OGFOD3: variants seen among roughly 807,000 people sequenced by gnomAD.
OGFOD3 encodes 2-oxoglutarate and iron-dependent oxygenase domain-containing protein 3.
Under a neutral mutation model 39.8 loss-of-function variants are expected in OGFOD3, and 35 were observed. The observed-to-expected ratio is 0.88, with a 90% CI of 0.67 to 1.17. OGFOD3 has a LOEUF of 1.17. Ranked by LOEUF, OGFOD3 falls within the 50% of genes most tolerant of loss-of-function variation. OGFOD3 has a pLI of 0.00. For missense variants in OGFOD3, 438 were observed against 454.5 expected (o/e 0.96, Z 0.33); for synonymous variants, 200 against 192.0 (o/e 1.04, Z -0.34).
rs190276062 is a variant in OGFOD3, at chr17:82,410,103, A to G, written c.381-693T>C. 3.6e-3 allele frequency among the ~76,000 whole-genome samples: 545 copies of G among 152,324 alleles called. 8 individuals carry two copies. Among genetic ancestry groups the G allele is most frequent in the African/African-American group, 0.013 (522 of 41,574 alleles). ...AGCTCAGGAGATAGGGGCCCTGACC[A>G]TGGTGGGAGAAAGACACCCACACGC... On this transcript the variant is annotated intron_variant, in intron 3 of 8. Coordinates refer to ENST00000313056, the MANE Select transcript of OGFOD3 (RefSeq NM_024648.3).
chr17:82,405,467 C>G, intron 5 of OGFOD3, 87 bp from the exon 6 acceptor site: 1 of 1,140,970 alleles, frequency 8.8e-7, no homozygotes, highest in South Asian at 1.3e-5. Flanking sequence ...CCTCAAGTCC[C>G]TGAAAATCAA....
Position 82,404,060 on chromosome 17 carries a change from A to T in OGFOD3, c.576T>A (p.Ile192=), listed in dbSNP as rs770436297. The change falls in exon 7 of 9, where the codon ATT becomes ATA. Residue 192 remains isoleucine, a synonymous_variant. Transcript: ENST00000313056. This position sits in a 1 kb window ranked among gnomAD's most constrained non-coding sequence, Gnocchi z 4.5. ...ATGCGCTGATGCCAAAAGCCTCAGC[A>T]ATGGTGAGCTGGACCTTCTGCCGCA... is the stretch of plus-strand genomic sequence containing the variant. The part of the protein sequence containing the change: ...REVRQKVQLT[I]AEAFGISASS... 6.2e-7 allele frequency: 1 copy of T among 1,607,322 alleles called. No individual in the cohort carries two copies. The highest frequency in any genetic ancestry group is 8.5e-7 in the Non-Finnish European group (1 of 1,176,674).
Position 82,404,256 on chromosome 17 carries a change from G to T in OGFOD3, c.546-166C>A, listed in dbSNP as rs2052817473. ...ACAGATACCGGCTCCGCCTGGGAACGACGCGGCCCACAGCCCACGCACAGA... is the reference window on the plus strand; with the variant it reads ...ACAGATACCGGCTCCGCCTGGGAACTACGCGGCCCACAGCCCACGCACAGA... On this transcript the variant is annotated intron_variant, in intron 6 of 8. Coordinates refer to ENST00000313056, the MANE Select transcript of OGFOD3 (RefSeq NM_024648.3). This position sits in a 1 kb window ranked among gnomAD's most constrained non-coding sequence, Gnocchi z 4.5. Among the ~76,000 whole-genome samples the T allele has an allele frequency of 6.6e-6, 1 of 152,200 alleles. No homozygotes were observed. The highest frequency in any genetic ancestry group is 6.5e-5 in the Admixed American group (1 of 15,288).
intron 4 of OGFOD3, among the ~76,000 whole-genome samples, chr17:82,409,159 T>C (rs1224364613): frequency 6.6e-6 from 1 of 152,148 alleles, no homozygotes; most frequent in East Asian, 1.9e-4. Flanking sequence ...CACGCACATC[T>C]AAGGACACAC....
In OGFOD3 at chr17:82,392,665, G is replaced by T; in HGVS notation, c.824-131C>A. 9.2e-7 allele frequency: 1 copy of T among 1,089,880 alleles called. No individual in the cohort carries two copies. The highest frequency in any genetic ancestry group is 1.3e-6 in the Non-Finnish European group (1 of 772,300). The allele number at this position is 1,089,880 out of a possible 1,614,324, so 67.5% of individuals were successfully genotyped here. ...ACCAACCAGGCAGGCTGGAGAAATT[G>T]CCCCTCTGGGAACTGCTTCTGCAGG... is the stretch of plus-strand genomic sequence containing the variant. On this transcript the variant is annotated intron_variant, in intron 8 of 8. Transcript: ENST00000313056. The surrounding 1 kb of genome is among the most constrained non-coding windows in gnomAD (Gnocchi z 4.2).
At position 82,392,327 on chromosome 17, in the gene OGFOD3, G is replaced by C. The variant is rs1567863230; in HGVS notation, c.*71C>G. On this transcript the variant is annotated 3_prime_UTR_variant, in exon 9 of 9. Coordinates refer to ENST00000313056, the MANE Select transcript of OGFOD3 (RefSeq NM_024648.3). The surrounding 1 kb of genome is among the most constrained non-coding windows in gnomAD (Gnocchi z 4.2). ...TGTGCAACAGGAGCGGGTGGACGTGGGGGTGGGTGCACGACTGGCGCGGCT... is the reference window on the plus strand; with the variant it reads ...TGTGCAACAGGAGCGGGTGGACGTGCGGGTGGGTGCACGACTGGCGCGGCT... 6.5e-7 allele frequency: 1 copy of C among 1,527,768 alleles called. No homozygotes were observed. The highest frequency in any genetic ancestry group is 8.9e-7 in the Non-Finnish European group (1 of 1,127,542). The allele number at this position is 1,527,768 out of a possible 1,614,324, so 94.6% of individuals were successfully genotyped here.
In OGFOD3 at chr17:82,403,966, C is replaced by T. The variant is rs1237023076; in HGVS notation, c.670G>A (p.Asp224Asn). The T allele has an allele frequency of 5.0e-6, 8 of 1,608,000 alleles. No individual in the cohort carries two copies. Among genetic ancestry groups the T allele is most frequent in the Non-Finnish European group, 6.8e-6 (8 of 1,178,024 alleles). Residue 224 changes from aspartate (D) to asparagine (N), a missense_variant, in exon 7 of 9, where the codon GAC (aspartate) becomes AAC (asparagine). Coordinates refer to ENST00000313056, the MANE Select transcript of OGFOD3 (RefSeq NM_024648.3). ...INSTEARTAHDEYWHAHVDKV... is the reference protein window; with the variant it reads ...INSTEARTAHNEYWHAHVDKV... ...TCCACGTGCGCATGCCAGTACTCGT[C>T]GTGCGCCGTCCGCGCTTCCGTGCTG...
rs1325025528 is a variant in OGFOD3 at position 82,391,014 on chromosome 17, G to C, written c.*1384C>G. The C allele has an allele frequency of 5.6e-6, 1 of 179,688 alleles. No homozygotes were observed. The allele number at this position is 179,688 out of a possible 1,614,324, so 11.1% of individuals were successfully genotyped here. On this transcript the variant is annotated 3_prime_UTR_variant, in exon 9 of 9. Coordinates refer to ENST00000313056, the MANE Select transcript of OGFOD3 (RefSeq NM_024648.3). This position sits in a 1 kb window ranked among gnomAD's most constrained non-coding sequence, Gnocchi z 5.1. ...ACAGGTGGGGCCTCCTCCAGTCAGA[G>C]GCACCTGTGCCAGGGGCTAGGGAAC...
chr17:82,394,093 C>T (rs996341770), intron 8 of OGFOD3, among the ~76,000 whole-genome samples: 6 of 151,552 alleles, frequency 4.0e-5, no homozygotes, highest in African/African-American at 9.7e-5. Flanking sequence ...GGGTTCACGC[C>T]GTTCTCCTGC....
In OGFOD3 at chr17:82,391,591, G is replaced by A. The variant is rs1166581168; in HGVS notation, c.*807C>T. 1.3e-5 allele frequency: 2 copies of A among 152,560 alleles called. No individual in the cohort carries two copies. The highest frequency in any genetic ancestry group is 1.3e-4 in the Admixed American group (2 of 15,290). 9.5% of individuals were successfully genotyped at this position (152,560 alleles called of 1,614,324 possible). A position where few individuals can be genotyped will look rare whatever the true frequency, so the allele number is the denominator to read the frequency against. ...CTGCCTCGGCCTCCCGCAGTGCTGAGATTACAGGTGTGAGCCACCGCGCCC... is the reference window on the plus strand; with the variant it reads ...CTGCCTCGGCCTCCCGCAGTGCTGAAATTACAGGTGTGAGCCACCGCGCCC... On this transcript the variant is annotated 3_prime_UTR_variant, in exon 9 of 9. Coordinates refer to ENST00000313056, the MANE Select transcript of OGFOD3 (RefSeq NM_024648.3). The surrounding 1 kb of genome is among the most constrained non-coding windows in gnomAD (Gnocchi z 5.1).
Position 82,415,635 on chromosome 17 carries a change from C to T in OGFOD3, c.75-8G>A, listed in dbSNP as rs1270731574. The stretch of plus-strand genomic sequence containing the variant: ...GCTCGGTCCTTCTTGGTGCTGAGAA[C>T]AGAAAACAGGCCACGTCACCCAAAC... On this transcript the variant is annotated splice_polypyrimidine_tract_variant and splice_region_variant and intron_variant, in intron 1 of 8. Transcript: ENST00000313056. This position sits in a 1 kb window ranked among gnomAD's most constrained non-coding sequence, Gnocchi z 5.3. 18 of 1,602,038 alleles carry T rather than the reference C, an allele frequency of 1.1e-5. No homozygotes were observed. The East Asian group carries it at 1.6e-4, about 14-fold the overall frequency.
At chr17:82,414,427 C>T (rs1399864835) in intron 2 of OGFOD3, among the ~76,000 whole-genome samples, 1 of 152,226 alleles carries the variant, frequency 6.6e-6, no homozygotes, top group Non-Finnish European at 1.5e-5. Context: ...TGAGCCACTG[C>T]TCCAGGCCAT....
At position 82,398,145 on chromosome 17, in the gene OGFOD3, T is replaced by A. The variant is rs1306487780; in HGVS notation, c.823+51A>T. On this transcript the variant is annotated intron_variant, in intron 8 of 8. Coordinates refer to ENST00000313056, the MANE Select transcript of OGFOD3 (RefSeq NM_024648.3). ...AGGGACACGCCCCCCACACCCACCG[T>A]GCTTGCCTGAGCCAGGAGCCCCACG... 1.9e-6 allele frequency: 3 copies of A among 1,610,848 alleles called. No homozygotes were observed. In the Admixed American group the frequency reaches 5.0e-5, roughly 27 times the overall value.
chr17:82,417,253 G>A, intron 1 of OGFOD3: 1 of 152,124 alleles, frequency 6.6e-6, no homozygotes, highest in East Asian at 1.9e-4. Context: ...TGGATCCCCA[G>A]AACTTATTAA....
intron 1 of OGFOD3, among the ~76,000 whole-genome samples, chr17:82,416,099 G>A (rs1337264751): frequency 1.3e-5 from 2 of 152,038 alleles, no homozygotes; most frequent in African/African-American, 2.4e-5. Flanking sequence ...AACCGGGTGT[G>A]GTGGCACATG....
rs1469202891 is a variant in OGFOD3, at chr17:82,406,499, G to A, written c.424-17C>T. 6.2e-7 allele frequency: 1 copy of A among 1,612,146 alleles called. No homozygotes were observed. The highest frequency in any genetic ancestry group is 8.5e-7 in the Non-Finnish European group (1 of 1,178,184). On this transcript the variant is annotated splice_polypyrimidine_tract_variant and intron_variant, in intron 4 of 8. Coordinates refer to ENST00000313056, the MANE Select transcript of OGFOD3 (RefSeq NM_024648.3). This position sits in a 1 kb window ranked among gnomAD's most constrained non-coding sequence, Gnocchi z 5.2. ...AATGGATGCCTGGAAAAGACGTTGT[G>A]GAGTAAAGCGTGCAGCCGCAGCAAT...
chr17:82,393,989 C>CTT lies in OGFOD3; in HGVS notation c.824-1457_824-1456dup, dbSNP rs1300659779. On this transcript the variant is annotated intron_variant, in intron 8 of 8. Coordinates refer to ENST00000313056, the MANE Select transcript of OGFOD3 (RefSeq NM_024648.3). ...AGATCAATACGGGGCCAGAAAAGGA[C>CTT]TTTTTTTTTTTTTTTTTTTTTAGAC... 322 of 127,398 alleles carry CTT rather than the reference C, an allele frequency of 2.5e-3. 1 individual carries two copies. Among genetic ancestry groups the CTT allele is most frequent in the African/African-American group, 8.4e-3 (290 of 34,450 alleles). 7.9% of individuals were successfully genotyped at this position (127,398 alleles called of 1,614,324 possible).
At chr17:82,399,126 A>G (rs1439874980) in intron 7 of OGFOD3, among the ~76,000 whole-genome samples, 4 of 152,148 alleles carry the variant, frequency 2.6e-5, no homozygotes, top group African/African-American at 7.2e-5. Context: ...GTGAGTCACC[A>G]ACATCTGTGC....
At chr17:82,397,279 C>T (rs2052687489) in intron 8 of OGFOD3, among the ~76,000 whole-genome samples, 1 of 151,770 alleles carries the variant, frequency 6.6e-6, no homozygotes, top group Non-Finnish European at 1.5e-5. Context: ...TGCTGAGAGG[C>T]CACCCCACAG....
Sources: allele counts gnomAD v4.1 joint callset (sites outside exome capture counted in the v4.1 genomes callset), GRCh38; gene constraint gnomAD v4.1.1; non-coding constraint Gnocchi (gnomAD v3.1); transcripts MANE v1.5; gene names NCBI Gene and HGNC (gene_info 2026-07-23, HGNC 2026-07-21).